Variants in COL5A1 observed in about 807,000 individuals in gnomAD.
The protein encoded by COL5A1 is collagen type V alpha 1 chain, also known as collagen alpha-1(V) chain.
In COL5A1, 16 loss-of-function variants were observed where a neutral mutation model predicts 263.7. The ratio of observed to expected loss-of-function variants is 0.06; its 90% CI spans 0.04 to 0.09. COL5A1 has a LOEUF of 0.09. Among genes scored for constraint, COL5A1 ranks in the 10% least tolerant of loss-of-function variants. The probability of loss-of-function intolerance (pLI) is 1.00; values close to 1 mark genes in which losing one functional copy is unlikely to be tolerated. For synonymous variants in COL5A1, 1,012 were observed against 1,004.5 expected (o/e 1.01, Z -0.14); for missense variants, 2,036 against 2,540.5 (o/e 0.80, Z 4.27).
At chr9:134,670,860 G>A (rs1832519561) in intron 1 of COL5A1, among the ~76,000 whole-genome samples, 2 of 152,360 alleles carry the variant, frequency 1.3e-5, no homozygotes, top group Admixed American at 1.3e-4. Flanking sequence ...CTGTCTGTGT[G>A]GGGGTTCTGC....
chr9:134,726,946 G>A lies in COL5A1; in HGVS notation c.655-320G>A, dbSNP rs62571354. On this transcript the variant is annotated intron_variant, in intron 4 of 65. Transcript: ENST00000371817. ...GAATGGGTGGGTGAATGGATGGAAG[G>A]ACTGGTAGATGTAGATGGATAGGTG... Among the ~76,000 whole-genome samples, 57,431 of 150,030 alleles carry A rather than the reference G, an allele frequency of 0.38. 11,907 individuals carry two copies. Among genetic ancestry groups the A allele is most frequent in the Admixed American group, 0.56 (8,404 of 15,052 alleles).
intron 49 of COL5A1, 82 bp from the exon 50 acceptor site, chr9:134,814,715 T>G: frequency 2.9e-6 from 3 of 1,036,758 alleles, no homozygotes; most frequent in Non-Finnish European, 2.9e-6. Flanking sequence ...CTGAATGGGG[T>G]GAGAAAACCG....
At chr9:134,763,137 A>G (rs1267586035) in intron 19 of COL5A1, among the ~76,000 whole-genome samples, 3 of 152,188 alleles carry the variant, frequency 2.0e-5, no homozygotes, top group African/African-American at 7.2e-5. Context: ...GTGTGTGAGC[A>G]TACATGCTTG....
intron 9 of COL5A1, among the ~76,000 whole-genome samples, chr9:134,737,722 C>T (rs1212243396): frequency 6.6e-6 from 1 of 152,076 alleles, no homozygotes; most frequent in African/African-American, 2.4e-5. Flanking sequence ...GAGCCGCTCC[C>T]ACTGCTGCCT....
intron 2 of COL5A1, among the ~76,000 whole-genome samples, chr9:134,693,821 C>T (rs1040603872): frequency 3.9e-5 from 6 of 152,220 alleles, no homozygotes; most frequent in Non-Finnish European, 7.3e-5. Flanking sequence ...GAGAAGTGCT[C>T]AGTGTGTAGG....
chr9:134,747,013 A>G (rs1835540130), intron 11 of COL5A1, among the ~76,000 whole-genome samples: 1 of 152,154 alleles, frequency 6.6e-6, no homozygotes, highest in Admixed American at 6.5e-5. Flanking sequence ...TACGTTAGAG[A>G]CCACAGGGCT....
chr9:134,786,186 G>C, intron 31 of COL5A1, 138 bp downstream of exon 31: 1 of 830,634 alleles, frequency 1.2e-6, no homozygotes, highest in Non-Finnish European at 2.0e-6. Context: ...GCCATGTTAC[G>C]TGTCCTGGTG....
intron 1 of COL5A1, among the ~76,000 whole-genome samples, chr9:134,666,706 G>A (rs1832369889): frequency 1.3e-5 from 2 of 152,202 alleles, no homozygotes. Context: ...AGGATGGAGT[G>A]TGGCTAGCCC....
In COL5A1 at chr9:134,842,325, C is replaced by A. The variant is rs772664778; in HGVS notation, c.*22C>A. ...CTAGGAGCCGCCGAGCCCGGGCTCC[C>A]GAGAGCAACCTCGTGACCTCAGCAT... On this transcript the variant is annotated 3_prime_UTR_variant, in exon 66 of 66. Transcript: ENST00000371817. This position sits in a 1 kb window ranked among gnomAD's most constrained non-coding sequence, Gnocchi z 5.8. The A allele has an allele frequency of 1.2e-6, 2 of 1,613,606 alleles. No individual in the cohort carries two copies. Among genetic ancestry groups the A allele is most frequent in the Non-Finnish European group, 1.7e-6 (2 of 1,179,880 alleles).
At chr9:134,827,768 C>T (rs1426644338) in intron 63 of COL5A1, among the ~76,000 whole-genome samples, 1 of 152,230 alleles carries the variant, frequency 6.6e-6, no homozygotes, top group Non-Finnish European at 1.5e-5. Flanking sequence ...CGAGGTGGCC[C>T]CCTTGGACCC....
At chr9:134,800,593 A>C (rs1206476436) in intron 37 of COL5A1, among the ~76,000 whole-genome samples, 1 of 151,986 alleles carries the variant, frequency 6.6e-6, no homozygotes, top group Non-Finnish European at 1.5e-5. Flanking sequence ...AAAAATACAA[A>C]AATTAGCCAG....
intron 26 of COL5A1, among the ~76,000 whole-genome samples, chr9:134,773,766 A>G (rs1836951364): frequency 1.3e-5 from 2 of 151,664 alleles, no homozygotes; most frequent in South Asian, 4.2e-4. Flanking sequence ...TTCCAGTGCC[A>G]GGCCTGCTGG....
rs762341190 is a variant in COL5A1, at chr9:134,701,157, C to G, written c.492-14C>G. The G allele has an allele frequency of 8.1e-6, 13 of 1,613,694 alleles. No individual in the cohort carries two copies. Among genetic ancestry groups the G allele is most frequent in the Non-Finnish European group, 1.1e-5 (13 of 1,179,888 alleles). On this transcript the variant is annotated splice_polypyrimidine_tract_variant and intron_variant, in intron 3 of 65. Transcript: ENST00000371817. ...GTGATCCAAGCCCTGTCTTCACCAT[C>G]TGTTTCTTTGCAGGTGGCACAGAAT...
At chr9:134,732,159 C>G in intron 9 of COL5A1, 32 bp downstream of exon 9, 1 of 1,612,734 alleles carries the variant, frequency 6.2e-7, no homozygotes, top group Non-Finnish European at 8.5e-7. Flanking sequence ...CTCCCTGCGC[C>G]GGGGTGTCCG....
intron 29 of COL5A1, 29 bp downstream of exon 29, chr9:134,782,749 T>C (rs1347176453): frequency 1.3e-6 from 2 of 1,501,252 alleles, no homozygotes; most frequent in Non-Finnish European, 1.8e-6. Flanking sequence ...GGATTTGGGC[T>C]GGGGAAAGCT....
In COL5A1 at chr9:134,794,554, T is replaced by C. The variant is rs897630372; in HGVS notation, c.2701-528T>C. Among the ~76,000 whole-genome samples the C allele has an allele frequency of 3.9e-5, 6 of 152,236 alleles. No individual in the cohort carries two copies. The highest frequency in any genetic ancestry group is 3.9e-4 in the Admixed American group (6 of 15,288). ...TAAATTCTATTAGAGGAGAAGCCGA[T>C]GACTCTTGGATATATGATTTATATA... is the stretch of plus-strand genomic sequence containing the variant. On this transcript the variant is annotated intron_variant, in intron 32 of 65. Transcript: ENST00000371817. The surrounding 1 kb of genome is among the most constrained non-coding windows in gnomAD (Gnocchi z 4.3).
rs552512596 is a variant in COL5A1 at position 134,829,297 on chromosome 9, C to T, written c.5068-679C>T. ...CTCCTCACATGGCCTCCAGTCTCTC[C>T]GAGGGCTGGGGCCAGGCTCCTCACA... On this transcript the variant is annotated intron_variant, in intron 63 of 65. Coordinates refer to ENST00000371817, the MANE Select transcript of COL5A1 (RefSeq NM_000093.5). Among the ~76,000 whole-genome samples, 628 of 149,432 alleles carry T rather than the reference C, an allele frequency of 4.2e-3. 11 individuals are homozygous for T. Among genetic ancestry groups the T allele is most frequent in the African/African-American group, 0.015 (580 of 39,900 alleles).
intron 60 of COL5A1, 30 bp from the exon 61 acceptor site, chr9:134,823,386 C>A (rs1175189695): frequency 1.5e-5 from 24 of 1,613,706 alleles, no homozygotes; most frequent in Non-Finnish European, 2.0e-5. Context: ...ACCTCTGTGA[C>A]CAAGGGTTGA....
chr9:134,828,753 A>G (rs900615758), intron 63 of COL5A1, among the ~76,000 whole-genome samples: 1 of 151,808 alleles, frequency 6.6e-6, no homozygotes, highest in Non-Finnish European at 1.5e-5. Flanking sequence ...CACACCACGC[A>G]CATGATACAT....
Sources: gnomAD v4.1 joint callset for allele counts (sites outside exome capture counted in the v4.1 genomes callset) on GRCh38, gnomAD v4.1.1 for gene constraint, Gnocchi (gnomAD v3.1) non-coding constraint, MANE v1.5 for transcripts, NCBI Gene and HGNC (gene_info 2026-07-23, HGNC 2026-07-21) for gene names.